Variants in FBN2 observed in about 807,000 individuals in gnomAD.
FBN2 encodes the protein fibrillin-2.
A neutral mutation model predicts 355.6 loss-of-function variants in FBN2; 105 were observed. The observed-to-expected ratio is 0.30, with a 90% CI of 0.25 to 0.35. The LOEUF (loss-of-function observed/expected upper bound fraction) is 0.35. Among genes scored for constraint, FBN2 ranks in the 10% least tolerant of loss-of-function variants. The pLI is 1.00. For missense variants in FBN2, 3,280 were observed against 3,758.7 expected, an observed-to-expected ratio of 0.87 and a Z score of 3.33; for synonymous variants, 1,350 against 1,301.2, an observed-to-expected ratio of 1.04 and a Z score of -0.81.
intron 53 of FBN2, among the ~76,000 whole-genome samples, chr5:128,288,237 A>G (rs780613389): frequency 2.6e-5 from 4 of 152,224 alleles, no homozygotes; most frequent in African/African-American, 4.8e-5. Context: ...TGGAATGATC[A>G]GACAAGGGCT....
intron 11 of FBN2, among the ~76,000 whole-genome samples, chr5:128,382,155 A>G (rs1752249635): frequency 6.6e-6 from 1 of 152,056 alleles, no homozygotes; most frequent in Non-Finnish European, 1.5e-5. Context: ...TGACTCAATT[A>G]CCATCCTAAA....
Position 128,305,152 on chromosome 5 carries a change from T to C in FBN2, c.5675-70A>G, listed in dbSNP as rs56092731. 3.0e-6 allele frequency: 4 copies of C among 1,331,510 alleles called. No individual in the cohort carries two copies. In the East Asian group the frequency reaches 1.0e-4, roughly 33 times the overall value. The allele number at this position is 1,331,510 out of a possible 1,614,324, so 82.5% of individuals were successfully genotyped here. A position where few individuals can be genotyped will look rare whatever the true frequency, so the allele number is the denominator to read the frequency against. On this transcript the variant is annotated intron_variant, in intron 44 of 64. Coordinates refer to ENST00000262464, the MANE Select transcript of FBN2 (RefSeq NM_001999.4). ...AAGATTTCTTCATTTTTCACAGTTG[T>C]GTTTCTCTAATCTGCTATTAATTAT... is the stretch of plus-strand genomic sequence containing the variant.
chr5:128,333,631 G>T (rs1750750866), intron 31 of FBN2, among the ~76,000 whole-genome samples: 1 of 151,524 alleles, frequency 6.6e-6, no homozygotes, highest in Admixed American at 6.6e-5. Context: ...ATATTCACTG[G>T]GAATGTTATC....
Position 128,300,699 on chromosome 5 carries a change from G to T in FBN2, c.6166+118C>A, listed in dbSNP as rs11959932. On this transcript the variant is annotated intron_variant, in intron 48 of 64. Coordinates refer to ENST00000262464, the MANE Select transcript of FBN2 (RefSeq NM_001999.4). ...GTAAAACAGATGTAGGCAGCTATAT[G>T]TTTAATTCCTTAGGTCAGCATGCTT... 3,102 of 1,025,532 alleles carry T rather than the reference G, an allele frequency of 3.0e-3. 64 individuals carry two copies. In the African/African-American group the frequency reaches 0.042, roughly 14 times the overall value. 63.5% of individuals were successfully genotyped at this position (1,025,532 alleles called of 1,614,324 possible). A position where few individuals can be genotyped will look rare whatever the true frequency, so the allele number is the denominator to read the frequency against.
chr5:128,285,079 C>T (rs1221666342), intron 55 of FBN2, among the ~76,000 whole-genome samples: 1 of 152,140 alleles, frequency 6.6e-6, no homozygotes, highest in Non-Finnish European at 1.5e-5. Context: ...TAATATATTG[C>T]ATAGTCAAGT....
chr5:128,466,623 T>A (rs956300290), intron 5 of FBN2, among the ~76,000 whole-genome samples: 1 of 152,178 alleles, frequency 6.6e-6, no homozygotes, highest in Non-Finnish European at 1.5e-5. Flanking sequence ...CAAAGAACAG[T>A]TTAGAAGTTC....
chr5:128,346,603 T>A (rs1438324556), intron 23 of FBN2, among the ~76,000 whole-genome samples: 1 of 152,194 alleles, frequency 6.6e-6, no homozygotes, highest in Non-Finnish European at 1.5e-5. Context: ...AAGTTCTATT[T>A]TTTTTCTTTC....
chr5:128,389,538 T>C (rs1402879834), intron 11 of FBN2, among the ~76,000 whole-genome samples: 3 of 152,174 alleles, frequency 2.0e-5, no homozygotes, highest in Non-Finnish European at 2.9e-5. Flanking sequence ...TGCTCTGCTC[T>C]GTCCAGGTCC....
chr5:128,300,721 G>A, intron 48 of FBN2, 96 bp downstream of exon 48: 1 of 1,208,262 alleles, frequency 8.3e-7, no homozygotes, highest in Non-Finnish European at 1.2e-6. Context: ...AGGTCAGCAT[G>A]CTTGCAGTGG....
chr5:128,330,755 A>AT (rs1482996957), intron 32 of FBN2, 60 bp from the exon 33 acceptor site: 2 of 1,583,068 alleles, frequency 1.3e-6, no homozygotes, highest in Non-Finnish European at 1.7e-6. Flanking sequence ...ACCTGGAAAG[A>AT]TTATCGTTTG....
chr5:128,259,945 C>T (rs1010167783), intron 64 of FBN2, 116 bp from the exon 65 acceptor site: 35 of 1,033,784 alleles, frequency 3.4e-5, no homozygotes, highest in Non-Finnish European at 4.3e-5. Flanking sequence ...TTCCCACTCC[C>T]GCTTTCTGCA....
chr5:128,438,497 T>C (rs943751317), intron 7 of FBN2, among the ~76,000 whole-genome samples: 1 of 152,210 alleles, frequency 6.6e-6, no homozygotes, highest in African/African-American at 2.4e-5. Context: ...TCTTAAACTT[T>C]TATTGATTTA....
chr5:128,477,908 G>A (rs576262988), intron 5 of FBN2, among the ~76,000 whole-genome samples: 40 of 152,268 alleles, frequency 2.6e-4, no homozygotes, highest in Middle Eastern at 3.4e-3. Context: ...TTTTAAGACT[G>A]TAACCGTTTT....
At chr5:128,297,389 G>C (rs1233756925) in intron 48 of FBN2, among the ~76,000 whole-genome samples, 12 of 152,106 alleles carry the variant, frequency 7.9e-5, no homozygotes, top group Non-Finnish European at 1.0e-4. Context: ...TCCTGGGTAT[G>C]CTTGTTGACC....
At chr5:128,391,458 C>T (rs566363429) in intron 11 of FBN2, among the ~76,000 whole-genome samples, 1 of 152,092 alleles carries the variant, frequency 6.6e-6, no homozygotes, top group African/African-American at 2.4e-5. Flanking sequence ...AAAAATGTTA[C>T]TTATGTCAAC....
chr5:128,336,179 C>G, intron 27 of FBN2, 66 bp from the exon 28 acceptor site: 1 of 1,529,974 alleles, frequency 6.5e-7, no homozygotes, highest in Non-Finnish European at 9.0e-7. Flanking sequence ...CAGAAAGGTG[C>G]TTCACCAGAG....
rs891213818 is a variant in FBN2, at chr5:128,459,496, C to T, written c.826+5228G>A. ...ATATCAAAACCTGGCAGAGACACAA[C>T]AACAACAACAACAAAAAACTTGCTA... is the stretch of plus-strand genomic sequence containing the variant. On this transcript the variant is annotated intron_variant, in intron 6 of 64. Transcript: ENST00000262464. 3.3e-5 allele frequency among the ~76,000 whole-genome samples: 5 copies of T among 151,994 alleles called. No individual in the cohort carries two copies. The East Asian group carries it at 9.7e-4, about 29-fold the overall frequency.
chr5:128,296,091 T>A, intron 48 of FBN2, among the ~76,000 whole-genome samples: 1 of 152,260 alleles, frequency 6.6e-6, no homozygotes, highest in East Asian at 1.9e-4. Context: ...TCTTTTGAGA[T>A]AATCATGTGG....
At chr5:128,426,865 T>C (rs908452807) in intron 7 of FBN2, among the ~76,000 whole-genome samples, 5 of 152,178 alleles carry the variant, frequency 3.3e-5, no homozygotes, top group Admixed American at 3.3e-4. Flanking sequence ...TGACTTTTCC[T>C]TCCCAGTCTC....
Sources: allele counts gnomAD v4.1 joint callset (sites outside exome capture counted in the v4.1 genomes callset), GRCh38; gene constraint gnomAD v4.1.1; transcripts MANE v1.5; gene names NCBI Gene and HGNC (gene_info 2026-07-23, HGNC 2026-07-21).